Variants in CBLB observed in about 807,000 individuals in gnomAD.
CBLB encodes the protein Cbl proto-oncogene B.
A neutral mutation model predicts 104.9 loss-of-function variants in CBLB; 31 were observed. The observed-to-expected ratio is 0.30, with a 90% CI of 0.22 to 0.40. CBLB has a LOEUF of 0.40. Ranked by LOEUF, CBLB falls within the 10% of genes least tolerant of loss-of-function variation. CBLB has a pLI of 1.00. For missense variants in CBLB, 1,062 were observed against 1,214.6 expected (o/e 0.87, Z 1.87); for synonymous variants, 440 against 422.6 (o/e 1.04, Z -0.51).
intron 3 of CBLB, among the ~76,000 whole-genome samples, chr3:105,843,628 T>C (rs978556389): frequency 2.0e-5 from 3 of 152,142 alleles, no homozygotes; most frequent in African/African-American, 7.2e-5. Flanking sequence ...AATTCAATTA[T>C]ATCAATAAAT....
chr3:105,728,399 CT>C (rs1242054108), intron 9 of CBLB, among the ~76,000 whole-genome samples: 1 of 152,136 alleles, frequency 6.6e-6, no homozygotes, highest in Non-Finnish European at 1.5e-5. Context: ...AGAAATACAA[CT>C]TACAAGGGAT....
intron 3 of CBLB, among the ~76,000 whole-genome samples, chr3:105,779,251 C>T (rs74503624): frequency 0.067 from 10,239 of 152,212 alleles, 510 homozygotes; most frequent in Admixed American, 0.15. Flanking sequence ...GCTATGCAGA[C>T]ACTAAACTTT....
chr3:105,666,969 G>A (rs1014531331), intron 18 of CBLB, among the ~76,000 whole-genome samples: 15 of 152,094 alleles, frequency 9.9e-5, no homozygotes, highest in Admixed American at 3.9e-4. Flanking sequence ...CAACCCTTGC[G>A]TGAAGTGAAG....
chr3:105,740,365 G>A (rs1249411769), intron 7 of CBLB, 129 bp downstream of exon 7: 3 of 902,434 alleles, frequency 3.3e-6, no homozygotes, highest in Admixed American at 1.9e-5. Flanking sequence ...AAAAAACTAA[G>A]GAACATCCAT....
intron 7 of CBLB, among the ~76,000 whole-genome samples, chr3:105,738,866 C>T (rs1407146591): frequency 6.6e-6 from 1 of 152,066 alleles, no homozygotes; most frequent in African/African-American, 2.4e-5. Context: ...ACTTGCCATA[C>T]AATTACTATG....
intron 3 of CBLB, among the ~76,000 whole-genome samples, chr3:105,831,606 AAGAC>A (rs1271252108): frequency 3.3e-5 from 5 of 152,240 alleles, no homozygotes; most frequent in Admixed American, 1.3e-4. Context: ...TATACTTTGA[AAGAC>A]AGTTAAAATT....
At chr3:105,868,009 T>C (rs2092531985) in intron 1 of CBLB, among the ~76,000 whole-genome samples, 1 of 152,190 alleles carries the variant, frequency 6.6e-6, no homozygotes, top group African/African-American at 2.4e-5. Flanking sequence ...TCATACATTT[T>C]GGGAGCCTTA....
intron 10 of CBLB, among the ~76,000 whole-genome samples, chr3:105,705,020 T>C (rs2152791757): frequency 6.8e-6 from 1 of 147,044 alleles, no homozygotes; most frequent in East Asian, 2.1e-4. Flanking sequence ...TAAACAATAT[T>C]CTGTTCTAAA....
At chr3:105,695,558 A>T (rs1281548872) in intron 12 of CBLB, among the ~76,000 whole-genome samples, 1 of 151,880 alleles carries the variant, frequency 6.6e-6, no homozygotes, top group Non-Finnish European at 1.5e-5. Context: ...CTTGGAGGGC[A>T]ATACCTAAGA....
At chr3:105,673,532 AT>A (rs1172921641) in intron 17 of CBLB, 1 of 152,194 alleles carries the variant, frequency 6.6e-6, no homozygotes, top group Non-Finnish European at 1.5e-5. Flanking sequence ...TATCCCCCAA[AT>A]TTTAATAGAG....
chr3:105,797,716 TACA>T (rs1291477393), intron 3 of CBLB, among the ~76,000 whole-genome samples: 1 of 152,278 alleles, frequency 6.6e-6, no homozygotes, highest in African/African-American at 2.4e-5. Context: ...TGATGGCATG[TACA>T]ACAATGTAGG....
intron 18 of CBLB, among the ~76,000 whole-genome samples, chr3:105,662,771 T>C (rs2063913069): frequency 6.6e-6 from 1 of 152,234 alleles, no homozygotes; most frequent in Non-Finnish European, 1.5e-5. Context: ...TCAACTCTTC[T>C]TTGAGAAAGA....
intron 10 of CBLB, among the ~76,000 whole-genome samples, chr3:105,717,262 T>C (rs16851507): frequency 0.018 from 2,686 of 152,232 alleles, 166 homozygotes; most frequent in Admixed American, 0.12. Context: ...GTAAAGAAAA[T>C]TGAAATGTCT....
At chr3:105,771,713 A>C (rs1024042869) in intron 4 of CBLB, among the ~76,000 whole-genome samples, 2 of 152,196 alleles carry the variant, frequency 1.3e-5, no homozygotes, top group African/African-American at 2.4e-5. Context: ...AATGTACACA[A>C]ATCAGTGGCA....
chr3:105,856,348 C>CAAAA (rs1169479720), intron 2 of CBLB, among the ~76,000 whole-genome samples: 6 of 31,082 alleles, frequency 1.9e-4, no homozygotes, highest in African/African-American at 2.3e-4. Context: ...GACTCCATCT[C>CAAAA]AAAAAAAAAA....
intron 9 of CBLB, among the ~76,000 whole-genome samples, chr3:105,722,698 T>G (rs3772527): frequency 6.6e-6 from 1 of 152,006 alleles, no homozygotes; most frequent in Non-Finnish European, 1.5e-5. Flanking sequence ...AGGGTCAACT[T>G]ACATATTGCT....
At chr3:105,695,362 C>G (rs1379626381) in intron 12 of CBLB, among the ~76,000 whole-genome samples, 2 of 151,718 alleles carry the variant, frequency 1.3e-5, no homozygotes, top group Non-Finnish European at 3.0e-5. Context: ...AATACCAATA[C>G]ACTCAAACAT....
At chr3:105,860,782 T>A (rs957399207) in intron 2 of CBLB, among the ~76,000 whole-genome samples, 9 of 152,286 alleles carry the variant, frequency 5.9e-5, no homozygotes, top group African/African-American at 2.2e-4. Flanking sequence ...TTTTAGCTCA[T>A]AAAGTTACTC....
intron 4 of CBLB, 66 bp downstream of exon 4, chr3:105,776,330 A>T (rs2079452423): frequency 7.3e-7 from 1 of 1,373,046 alleles, no homozygotes; most frequent in Admixed American, 1.7e-5. Flanking sequence ...ACCATATCCA[A>T]CTGGAGGGAG....
Sources: gnomAD v4.1 joint callset for allele counts (sites outside exome capture counted in the v4.1 genomes callset) on GRCh38, gnomAD v4.1.1 for gene constraint, MANE v1.5 for transcripts, NCBI Gene and HGNC (gene_info 2026-07-23, HGNC 2026-07-21) for gene names.